Variants in PSD3 observed in about 807,000 individuals in gnomAD.
PSD3 encodes pleckstrin and Sec7 domain containing 3.
PSD3 carries 49 observed loss-of-function variants against 105.5 expected under a neutral mutation model. The ratio of observed to expected loss-of-function variants is 0.46; its 90% CI spans 0.37 to 0.59. The LOEUF is 0.59. Ranked by LOEUF, PSD3 falls within the 20% of genes least tolerant of loss-of-function variation. The pLI, the probability that PSD3 is intolerant of heterozygous loss-of-function variation, is 0.00. For missense variants in PSD3, 1,561 were observed against 1,263.8 expected, an observed-to-expected ratio of 1.24 and a Z score of -3.57; for synonymous variants, 557 against 457.8, an observed-to-expected ratio of 1.22 and a Z score of -2.77.
intron 1 of PSD3, among the ~76,000 whole-genome samples, chr8:18,960,900 C>T (rs143557173): frequency 3.9e-5 from 6 of 152,072 alleles, no homozygotes; most frequent in South Asian, 2.1e-4. Flanking sequence ...GCCTGGGCAA[C>T]GTGGTAAAAC....
At chr8:18,869,687 T>A (rs1817199870) in intron 3 of PSD3, among the ~76,000 whole-genome samples, 1 of 152,186 alleles carries the variant, frequency 6.6e-6, no homozygotes. Flanking sequence ...TCAGTGTAAT[T>A]TCCATTTCCA....
chr8:18,835,694 G>C (rs1814048879), intron 4 of PSD3, among the ~76,000 whole-genome samples: 1 of 152,226 alleles, frequency 6.6e-6, no homozygotes, highest in Non-Finnish European at 1.5e-5. Context: ...CATTAAAAAT[G>C]TGAAGTGGGA....
chr8:18,876,465 C>A lies in PSD3; in HGVS notation c.131-3732G>T, dbSNP rs140590161. Among the ~76,000 whole-genome samples, 762 of 152,294 alleles carry A rather than the reference C, an allele frequency of 5.0e-3. 3 individuals are homozygous for A. Among genetic ancestry groups the A allele is most frequent in the African/African-American group, 0.017 (719 of 41,560 alleles). On this transcript the variant is annotated intron_variant, in intron 2 of 15. Transcript: ENST00000327040. Reference sequence around the variant, plus strand: ...GCAGTGGGACGATCATGGCTCACTGCAGCCCTGACCTCCTGGGCTCAAGCC... The same window carrying A: ...GCAGTGGGACGATCATGGCTCACTGAAGCCCTGACCTCCTGGGCTCAAGCC...
intron 9 of PSD3, among the ~76,000 whole-genome samples, chr8:18,719,664 T>C (rs545175530): frequency 1.3e-4 from 20 of 152,336 alleles, no homozygotes; most frequent in African/African-American, 4.8e-4. Context: ...AGGAACCCAC[T>C]ATTTCCCGAG....
intron 9 of PSD3, among the ~76,000 whole-genome samples, chr8:18,734,836 A>AT (rs1458788674): frequency 6.6e-6 from 1 of 152,154 alleles, no homozygotes; most frequent in Non-Finnish European, 1.5e-5. Context: ...GTGTTAAATC[A>AT]TTTTTTCTCA....
At chr8:18,913,719 G>C (rs1396891316) in intron 2 of PSD3, among the ~76,000 whole-genome samples, 1 of 152,166 alleles carries the variant, frequency 6.6e-6, no homozygotes, top group Non-Finnish European at 1.5e-5. Flanking sequence ...CTAAGCACCA[G>C]GCTGGCCTTC....
chr8:18,696,998 T>A lies in PSD3; in HGVS notation c.2173-41313A>T, dbSNP rs188403953. 7.6e-3 allele frequency among the ~76,000 whole-genome samples: 1,120 copies of A among 146,480 alleles called. 47 individuals are homozygous for A. Among genetic ancestry groups the A allele is most frequent in the Admixed American group, 0.071 (1,042 of 14,704 alleles). On this transcript the variant is annotated intron_variant, in intron 9 of 15. Coordinates refer to ENST00000327040, the MANE Select transcript of PSD3 (RefSeq NM_015310.4). ...GTCTATAATCCCAGCACTTTGCCACTTTGCGGGGACAACGTGGGAGGATCA... is the reference window on the plus strand; with the variant it reads ...GTCTATAATCCCAGCACTTTGCCACATTGCGGGGACAACGTGGGAGGATCA...
At chr8:18,613,292 C>G (rs1325419483) in intron 11 of PSD3, among the ~76,000 whole-genome samples, 1 of 152,082 alleles carries the variant, frequency 6.6e-6, no homozygotes, top group African/African-American at 2.4e-5. Context: ...TAACGCCCAT[C>G]TGCACATTGG....
chr8:18,591,524 G>A (rs1803604810), intron 12 of PSD3, among the ~76,000 whole-genome samples: 2 of 152,080 alleles, frequency 1.3e-5, no homozygotes, highest in Admixed American at 1.3e-4. Context: ...AGCTCTTCTT[G>A]GCCCCAAGGG....
At chr8:19,065,633 A>T (rs1829050742) in intron 1 of PSD3, among the ~76,000 whole-genome samples, 1 of 152,200 alleles carries the variant, frequency 6.6e-6, no homozygotes, top group Admixed American at 6.5e-5. Flanking sequence ...ACATAGGAAG[A>T]GATGCGCAGG....
intron 1 of PSD3, among the ~76,000 whole-genome samples, chr8:19,076,840 A>T (rs367618778): frequency 6.6e-6 from 1 of 151,506 alleles, no homozygotes; most frequent in East Asian, 1.9e-4. Context: ...TACTGGTGCG[A>T]CTCTTTGACC....
At chr8:18,955,812 A>G (rs1438134876) in intron 1 of PSD3, among the ~76,000 whole-genome samples, 1 of 151,886 alleles carries the variant, frequency 6.6e-6, no homozygotes, top group Non-Finnish European at 1.5e-5. Flanking sequence ...TCTGTTGCCC[A>G]GGCTGGAGTG....
intron 1 of PSD3, among the ~76,000 whole-genome samples, chr8:19,079,865 A>C (rs1374523343): frequency 6.6e-6 from 1 of 151,614 alleles, no homozygotes; most frequent in Non-Finnish European, 1.5e-5. Context: ...GAATCTTTAG[A>C]GATAAGCTGA....
intron 11 of PSD3, among the ~76,000 whole-genome samples, chr8:18,608,424 G>A (rs934440488): frequency 2.0e-5 from 3 of 152,108 alleles, no homozygotes; most frequent in East Asian, 1.9e-4. Context: ...TGCTGTGATC[G>A]TTATTCTGAG....
intron 1 of PSD3, among the ~76,000 whole-genome samples, chr8:19,066,978 C>T (rs139937492): frequency 6.6e-6 from 1 of 152,228 alleles, no homozygotes; most frequent in African/African-American, 2.4e-5. Context: ...AGATTATAAA[C>T]ACCTCAAAGA....
chr8:18,661,371 T>C lies in PSD3; in HGVS notation c.2173-5686A>G, dbSNP rs73589461. 5.4e-3 allele frequency among the ~76,000 whole-genome samples: 827 copies of C among 152,328 alleles called. 9 individuals carry two copies. Among genetic ancestry groups the C allele is most frequent in the African/African-American group, 0.019 (795 of 41,580 alleles). On this transcript the variant is annotated intron_variant, in intron 9 of 15. Transcript: ENST00000327040. Reference sequence around the variant, plus strand: ...CTTAGATCAAGCAGACTGTTAAGTATAGAATTAAATATGCACCACTCTGGC... The same window carrying C: ...CTTAGATCAAGCAGACTGTTAAGTACAGAATTAAATATGCACCACTCTGGC...
chr8:18,711,177 C>T lies in PSD3; in HGVS notation c.2172+54272G>A, dbSNP rs906370662. Among the ~76,000 whole-genome samples the T allele has an allele frequency of 4.6e-5, 7 of 152,148 alleles. No individual in the cohort carries two copies. The South Asian group carries it at 1.0e-3, about 23-fold the overall frequency. ...AAGGGAAAATGGTTACCAGCCACTA[C>T]AAAAACATACTGAAGTACACAGACC... On this transcript the variant is annotated intron_variant, in intron 9 of 15. Coordinates refer to ENST00000327040, the MANE Select transcript of PSD3 (RefSeq NM_015310.4).
chr8:18,864,908 C>T (rs548175636), intron 4 of PSD3: 7 of 151,764 alleles, frequency 4.6e-5, no homozygotes, highest in African/African-American at 1.7e-4. Flanking sequence ...TGTGTGGAAA[C>T]GTGTGTATTA....
intron 8 of PSD3, among the ~76,000 whole-genome samples, chr8:18,779,425 T>C (rs757149357): frequency 2.0e-5 from 3 of 152,062 alleles, no homozygotes; most frequent in African/African-American, 7.2e-5. Context: ...ATCCTCTGTA[T>C]AGCCTTTTTT....
Sources: gnomAD v4.1 joint callset for allele counts (sites outside exome capture counted in the v4.1 genomes callset) on GRCh38, gnomAD v4.1.1 for gene constraint, MANE v1.5 for transcripts, NCBI Gene and HGNC (gene_info 2026-07-23, HGNC 2026-07-21) for gene names.